The following LNX1 variants were observed in gnomAD, a reference collection of about 807,000 sequenced individuals.
The protein encoded by LNX1 is E3 ubiquitin-protein ligase LNX.
In LNX1, 54 loss-of-function variants were observed where a neutral mutation model predicts 68.4. That is an observed-to-expected ratio of 0.79 (90% CI 0.63 to 0.99). The LOEUF (loss-of-function observed/expected upper bound fraction) is 0.99, where lower values mean the gene tolerates loss of function less well. Ranked by LOEUF, LNX1 falls within the 50% of genes least tolerant of loss-of-function variation. The pLI is 0.00. For synonymous variants in LNX1, 336 were observed against 350.0 expected (o/e 0.96, Z 0.45); for missense variants, 906 against 926.4 (o/e 0.98, Z 0.29).
At chr4:53,612,992 T>G (rs1172911396) in intron 2 of LNX1, among the ~76,000 whole-genome samples, 2 of 151,612 alleles carry the variant, frequency 1.3e-5, no homozygotes, top group Non-Finnish European at 1.5e-5. Context: ...TGCTATGGTT[T>G]TATTTTTGTA....
intron 1 of LNX1, among the ~76,000 whole-genome samples, chr4:53,585,482 C>T (rs1369135108): frequency 6.6e-6 from 1 of 152,128 alleles, no homozygotes; most frequent in African/African-American, 2.4e-5. Flanking sequence ...GTCTTAACCC[C>T]AGAACCTGTG....
chr4:53,645,648 C>T (rs1308527866), intron 1 of LNX1, among the ~76,000 whole-genome samples: 1 of 152,196 alleles, frequency 6.6e-6, no homozygotes, highest in Admixed American at 6.5e-5. Context: ...TCTGTTCATT[C>T]TCCCAAATAC....
intron 8 of LNX1, among the ~76,000 whole-genome samples, chr4:53,478,239 C>T (rs1211608200): frequency 6.6e-6 from 1 of 152,068 alleles, no homozygotes; most frequent in East Asian, 1.9e-4. Flanking sequence ...ACCGGATCAA[C>T]CCACTAAAGA....
intron 1 of LNX1, among the ~76,000 whole-genome samples, chr4:53,623,278 A>T (rs1577805559): frequency 6.7e-6 from 1 of 149,284 alleles, no homozygotes; most frequent in South Asian, 2.1e-4. Context: ...ATCTTGGCTC[A>T]CTGCAACCTC....
chr4:53,650,694 C>A (rs541975667), intron 1 of LNX1, among the ~76,000 whole-genome samples: 8 of 152,130 alleles, frequency 5.3e-5, no homozygotes, highest in South Asian at 2.1e-4. Flanking sequence ...TGCTGTGAAA[C>A]CTCTGTCCCC....
chr4:53,465,373 TAA>T (rs1722597395), intron 9 of LNX1, among the ~76,000 whole-genome samples: 1 of 152,150 alleles, frequency 6.6e-6, no homozygotes, highest in Non-Finnish European at 1.5e-5. Context: ...AATAAACTAG[TAA>T]ACTAGTATCT....
At chr4:53,546,235 C>T (rs1729110898) in intron 2 of LNX1, among the ~76,000 whole-genome samples, 1 of 152,174 alleles carries the variant, frequency 6.6e-6, no homozygotes, top group Non-Finnish European at 1.5e-5. Flanking sequence ...CCTGGAAGAG[C>T]ATATTCAGAC....
intron 1 of LNX1, among the ~76,000 whole-genome samples, chr4:53,633,858 T>C (rs1255892674): frequency 6.6e-6 from 1 of 152,094 alleles, no homozygotes; most frequent in Non-Finnish European, 1.5e-5. Context: ...ATAACCTTCT[T>C]AGGGCCGTGT....
chr4:53,619,551 T>A (rs1425282818), upstream of LNX1, among the ~76,000 whole-genome samples: 2 of 152,168 alleles, frequency 1.3e-5, no homozygotes, highest in Non-Finnish European at 2.9e-5. Context: ...CTGCCTTCCT[T>A]TTTATGGTTG....
chr4:53,651,686 G>T (rs1470120988), intron 1 of LNX1, among the ~76,000 whole-genome samples: 1 of 152,038 alleles, frequency 6.6e-6, no homozygotes, highest in Non-Finnish European at 1.5e-5. Flanking sequence ...GCAGGTCACA[G>T]CTTCTCTCAA....
At chr4:53,506,855 C>CAAAAAAAAAAAAAAAAAAAAAAAAAAAA (rs1560633627) in intron 4 of LNX1, among the ~76,000 whole-genome samples, 1 of 12,642 alleles carries the variant, frequency 7.9e-5, no homozygotes, top group Non-Finnish European at 3.0e-4. Context: ...AAAACTCTGT[C>CAAAAAAAAAAAAAAAAAAAAAAAAAAAA]TAAAAAAAAA....
chr4:53,608,697 C>T (rs1246059310), intron 2 of LNX1, among the ~76,000 whole-genome samples: 2 of 151,988 alleles, frequency 1.3e-5, no homozygotes, highest in Non-Finnish European at 2.9e-5. Flanking sequence ...GTAGCAAAGA[C>T]AAGGAAACAA....
At chr4:53,464,296 T>G (rs778181524) in intron 9 of LNX1, among the ~76,000 whole-genome samples, 2 of 152,116 alleles carry the variant, frequency 1.3e-5, no homozygotes, top group Non-Finnish European at 2.9e-5. Flanking sequence ...AACCTAGCAT[T>G]TATTCCCTCT....
At chr4:53,560,907 C>T (rs1206489417) in intron 2 of LNX1, among the ~76,000 whole-genome samples, 1 of 152,220 alleles carries the variant, frequency 6.6e-6, no homozygotes, top group South Asian at 2.1e-4. Context: ...TAAAACCCAA[C>T]CTCAAATGAA....
chr4:53,633,864 C>T lies in LNX1; in HGVS notation c.-215+18304G>A, dbSNP rs1409373247. Reference sequence around the variant, plus strand: ...GGAGATTGCATAACCTTCTTAGGGCCGTGTTTCTGCATCACCAGAAAAGCC... The same window carrying T: ...GGAGATTGCATAACCTTCTTAGGGCTGTGTTTCTGCATCACCAGAAAAGCC... On this transcript the variant is annotated intron_variant, in intron 1 of 2. Coordinates refer to the LNX1 transcript ENST00000507168. 5.3e-5 allele frequency among the ~76,000 whole-genome samples: 8 copies of T among 152,176 alleles called. No homozygotes were observed. In the South Asian group the frequency reaches 8.3e-4, roughly 16 times the overall value.
chr4:53,532,610 T>C (rs1407085469), intron 2 of LNX1, among the ~76,000 whole-genome samples: 2 of 152,190 alleles, frequency 1.3e-5, no homozygotes, highest in African/African-American at 4.8e-5. Flanking sequence ...ATAGTCCCCA[T>C]AGGAAATTCT....
At chr4:53,593,698 A>T (rs1207364065), upstream of LNX1, 5 of 152,092 alleles carry the variant, frequency 3.3e-5, no homozygotes, top group Non-Finnish European at 7.4e-5. Context: ...TAGGGCTGTT[A>T]CATTATCATG....
At chr4:53,530,741 G>T (rs1691373151) in intron 2 of LNX1, among the ~76,000 whole-genome samples, 1 of 152,168 alleles carries the variant, frequency 6.6e-6, no homozygotes, top group Non-Finnish European at 1.5e-5. Flanking sequence ...ACTATGGCAT[G>T]CCAAAGACAA....
At chr4:53,471,855 G>T (rs1446302895) in intron 9 of LNX1, among the ~76,000 whole-genome samples, 1 of 152,196 alleles carries the variant, frequency 6.6e-6, no homozygotes, top group East Asian at 1.9e-4. Context: ...TGGAGAGGAT[G>T]TGGAGAAATA....
Sources: gnomAD v4.1 joint callset for allele counts (sites outside exome capture counted in the v4.1 genomes callset) on GRCh38, gnomAD v4.1.1 for gene constraint, MANE v1.5 for transcripts, NCBI Gene and HGNC (gene_info 2026-07-23, HGNC 2026-07-21) for gene names.